ANO4: variants seen among roughly 807,000 people sequenced by gnomAD.
ANO4 encodes the protein anoctamin 4, also known as anoctamin-4.
Under a neutral mutation model 141.9 loss-of-function variants are expected in ANO4, and 69 were observed. The ratio of observed to expected loss-of-function variants is 0.49; its 90% CI spans 0.40 to 0.59. ANO4 has a LOEUF of 0.59. Ranked by LOEUF, ANO4 falls within the 20% of genes least tolerant of loss-of-function variation. The probability of loss-of-function intolerance (pLI) is 0.00; values close to 1 mark genes in which losing one functional copy is unlikely to be tolerated. For synonymous variants in ANO4, 350 were observed against 394.3 expected, an observed-to-expected ratio of 0.89 and a Z score of 1.33; for missense variants, 894 against 1,162.2, an observed-to-expected ratio of 0.77 and a Z score of 3.36.
At chr12:100,758,539 T>G (rs2032713748) in intron 3 of ANO4, among the ~76,000 whole-genome samples, 1 of 152,200 alleles carries the variant, frequency 6.6e-6, no homozygotes, top group Admixed American at 6.5e-5. Context: ...TGTTATTCTC[T>G]TAAATGTTGT....
intron 10 of ANO4, among the ~76,000 whole-genome samples, chr12:101,037,847 G>A (rs1335205421): frequency 6.6e-6 from 1 of 152,150 alleles, no homozygotes; most frequent in Admixed American, 6.6e-5. Context: ...AGAATACAAA[G>A]ATAAATGTCA....
At chr12:100,820,659 C>T (rs11110537) in intron 1 of ANO4, among the ~76,000 whole-genome samples, 64 of 152,008 alleles carry the variant, frequency 4.2e-4, no homozygotes, top group Non-Finnish European at 8.1e-4. Context: ...CAAAACAAAA[C>T]GAGTGCATAG....
chr12:101,010,647 G>T (rs759998204), intron 8 of ANO4, among the ~76,000 whole-genome samples: 11 of 152,026 alleles, frequency 7.2e-5, no homozygotes, highest in Non-Finnish European at 1.2e-4. Flanking sequence ...TTAATTTGAG[G>T]ACATAATATA....
rs1478581329 is a variant in ANO4 at position 100,738,869 on chromosome 12, A to G, written c.107-985A>G. 2.6e-5 allele frequency among the ~76,000 whole-genome samples: 4 copies of G among 151,470 alleles called. No homozygotes were observed. In the East Asian group the frequency reaches 7.7e-4, roughly 29 times the overall value. ...CAGTTCACACAAGATGAAGTTATTA[A>G]CTCTAGTTCTCATGCTGTATATTAA... On this transcript the variant is annotated intron_variant, in intron 2 of 29. Transcript: ENST00000644049.
At chr12:101,121,255 CTGT>C (rs897325709) in intron 26 of ANO4, among the ~76,000 whole-genome samples, 19 of 151,368 alleles carry the variant, frequency 1.3e-4, no homozygotes, top group African/African-American at 4.4e-4. Flanking sequence ...TCCCCAGTGT[CTGT>C]TGTTCTCATC....
At chr12:100,799,772 T>A (rs1287611557) in intron 1 of ANO4, among the ~76,000 whole-genome samples, 1 of 152,006 alleles carries the variant, frequency 6.6e-6, no homozygotes, top group Non-Finnish European at 1.5e-5. Context: ...AAAGAGCAAT[T>A]TACCTAATCC....
intron 2 of ANO4, among the ~76,000 whole-genome samples, chr12:100,908,799 G>A (rs1241667175): frequency 6.6e-6 from 1 of 152,098 alleles, no homozygotes; most frequent in East Asian, 1.9e-4. Context: ...GTTCTCTAAG[G>A]CCCACTCGGA....
At position 100,971,355 on chromosome 12, in the gene ANO4, G is replaced by A; in HGVS notation, c.506G>A (p.Trp169Ter). The A allele has an allele frequency of 6.2e-7, 1 of 1,612,190 alleles. No individual in the cohort carries two copies. Among genetic ancestry groups the A allele is most frequent in the Non-Finnish European group, 8.5e-7 (1 of 1,178,632 alleles). The change falls in exon 6 of 28, where the codon TGG (tryptophan) becomes TAG (stop). Residue 169 changes from tryptophan to a stop codon, truncating the protein, a stop_gained. Coordinates refer to ENST00000392977, the MANE Select transcript of ANO4 (RefSeq NM_001286615.2). LOFTEE classifies it high-confidence loss of function. Reference protein sequence around the residue: ...DIIFVKLHAPWEVLGRYAEQM... With the variant: ...DIIFVKLHAP ...ATCTTTGTGAAGTTGCATGCCCCAT[G>A]GGAAGTCCTTGGAAGATATGCAGAA...
chr12:100,744,422 GTCT>G (rs2032012673), intron 3 of ANO4, among the ~76,000 whole-genome samples: 1 of 152,286 alleles, frequency 6.6e-6, no homozygotes, highest in African/African-American at 2.4e-5. Context: ...TAGCTGGCTG[GTCT>G]TCTCACTGTA....
intron 3 of ANO4, among the ~76,000 whole-genome samples, chr12:100,749,320 A>T (rs925550075): frequency 2.0e-5 from 3 of 152,222 alleles, no homozygotes; most frequent in Admixed American, 1.3e-4. Flanking sequence ...ACCTCCATGT[A>T]TACTACTTCT....
chr12:101,025,236 A>C (rs2046684899), intron 9 of ANO4, among the ~76,000 whole-genome samples: 1 of 152,266 alleles, frequency 6.6e-6, no homozygotes, highest in African/African-American at 2.4e-5. Flanking sequence ...TGGGCAACCC[A>C]AAACAAGGAT....
At chr12:100,820,487 T>C (rs1051604439) in intron 1 of ANO4, among the ~76,000 whole-genome samples, 1 of 152,062 alleles carries the variant, frequency 6.6e-6, no homozygotes, top group Non-Finnish European at 1.5e-5. Flanking sequence ...GTGGCATTAC[T>C]GTCTCAAGGA....
chr12:100,854,012 T>C (rs1378721868), intron 1 of ANO4, among the ~76,000 whole-genome samples: 8 of 152,180 alleles, frequency 5.3e-5, no homozygotes, highest in African/African-American at 2.4e-5. Flanking sequence ...GCATTTTCCA[T>C]GTTCCTTCCG....
intron 12 of ANO4, 31 bp downstream of exon 12, chr12:101,042,499 T>G (rs778980047): frequency 2.5e-6 from 4 of 1,613,420 alleles, no homozygotes; most frequent in Non-Finnish European, 3.4e-6. Flanking sequence ...AGTTTGCCTT[T>G]GTTTAGTACT....
rs561697456 is a variant in ANO4 at position 101,096,762 on chromosome 12, G to A, written c.1850+115G>A. 76 of 764,524 alleles carry A rather than the reference G, an allele frequency of 9.9e-5. No homozygotes were observed. The South Asian group carries it at 1.3e-3, about 13-fold the overall frequency. The allele number at this position is 764,524 out of a possible 1,614,324, so 47.4% of individuals were successfully genotyped here. On this transcript the variant is annotated intron_variant, in intron 19 of 27. Coordinates refer to ENST00000392977, the MANE Select transcript of ANO4 (RefSeq NM_001286615.2). ...GGGTGATTTATACAAAGTGTAAAAA[G>A]GGAAGAGCATCCTCCTCCCTTCTCT...
intron 3 of ANO4, among the ~76,000 whole-genome samples, chr12:100,775,974 T>C (rs1298465443): frequency 6.6e-6 from 1 of 152,146 alleles, no homozygotes; most frequent in Non-Finnish European, 1.5e-5. Flanking sequence ...TTGATGAATA[T>C]AGGCAGCACT....
At chr12:100,728,646 T>C (rs2031242302) in intron 1 of ANO4, among the ~76,000 whole-genome samples, 1 of 152,174 alleles carries the variant, frequency 6.6e-6, no homozygotes, top group Non-Finnish European at 1.5e-5. Context: ...GCTTAAATAA[T>C]GGGTATAAGT....
chr12:100,822,412 AT>A (rs1365569966), intron 1 of ANO4, among the ~76,000 whole-genome samples: 1 of 152,028 alleles, frequency 6.6e-6, no homozygotes, highest in Non-Finnish European at 1.5e-5. Context: ...GACAGAGACC[AT>A]TTGTTTTAAG....
chr12:100,887,787 A>C (rs1391900574), intron 1 of ANO4, among the ~76,000 whole-genome samples: 3 of 152,214 alleles, frequency 2.0e-5, no homozygotes, highest in Admixed American at 6.5e-5. Context: ...TTACTTTTAA[A>C]CTATAAACTT....
Sources: allele counts gnomAD v4.1 joint callset (sites outside exome capture counted in the v4.1 genomes callset), GRCh38; gene constraint gnomAD v4.1.1; transcripts MANE v1.5; gene names NCBI Gene and HGNC (gene_info 2026-07-23, HGNC 2026-07-21).